AK9: variants seen among roughly 807,000 people sequenced by gnomAD.
The protein encoded by AK9 is adenylate kinase domain containing 1.
In AK9, 191 loss-of-function variants were observed where a neutral mutation model predicts 239.6. That is an observed-to-expected ratio of 0.80 (90% CI 0.71 to 0.90). AK9 has a LOEUF of 0.90. Ranked by LOEUF, AK9 falls within the 40% of genes least tolerant of loss-of-function variation. The pLI, the probability that AK9 is intolerant of heterozygous loss-of-function variation, is 0.00. For missense variants in AK9, 1,995 were observed against 2,214.7 expected (o/e 0.90, Z 1.99); for synonymous variants, 689 against 721.0 (o/e 0.96, Z 0.71).
intron 17 of AK9, among the ~76,000 whole-genome samples, chr6:109,602,110 C>G (rs989018973): frequency 3.3e-5 from 5 of 152,126 alleles, no homozygotes; most frequent in African/African-American, 1.2e-4. Flanking sequence ...GAATTTGATC[C>G]TGTCATTATG....
chr6:109,613,795 A>G (rs1436687122), intron 15 of AK9, among the ~76,000 whole-genome samples: 3 of 151,832 alleles, frequency 2.0e-5, no homozygotes, highest in Non-Finnish European at 4.4e-5. Context: ...AAAATTTTAT[A>G]AGGATAAATA....
intron 31 of AK9, 143 bp from the exon 32 acceptor site, chr6:109,514,580 A>C (rs1264517831): frequency 1.4e-6 from 1 of 732,550 alleles, no homozygotes; most frequent in Non-Finnish European, 2.2e-6. Context: ...TCAAAGGTTA[A>C]TATTAAACAA....
chr6:109,671,830 AG>A, intron 5 of AK9, 88 bp downstream of exon 5: 1 of 1,137,030 alleles, frequency 8.8e-7, no homozygotes, highest in Non-Finnish European at 1.3e-6. Flanking sequence ...GGCAAAAGAA[AG>A]GGCAACTCCA....
chr6:109,653,224 G>GTCT (rs1799221830), intron 8 of AK9, among the ~76,000 whole-genome samples: 1 of 152,132 alleles, frequency 6.6e-6, no homozygotes, highest in African/African-American at 2.4e-5. Flanking sequence ...AACACGCCTG[G>GTCT]CAAAAGTAGG....
intron 5 of AK9, among the ~76,000 whole-genome samples, chr6:109,670,769 C>T (rs147298113): frequency 0.023 from 3,460 of 152,106 alleles, 75 homozygotes; most frequent in Non-Finnish European, 0.034. Flanking sequence ...CATTTATTGA[C>T]GTAATTTGGA....
At chr6:109,632,779 T>G in intron 12 of AK9, 144 bp downstream of exon 12, 1 of 1,363,592 alleles carries the variant, frequency 7.3e-7, no homozygotes, top group Non-Finnish European at 9.5e-7. Context: ...GAACAATTAT[T>G]CAATTAAAAC....
At chr6:109,610,588 T>C (rs999878385) in intron 16 of AK9, 75 bp from the exon 17 acceptor site, 4 of 1,404,530 alleles carry the variant, frequency 2.8e-6, no homozygotes, top group South Asian at 2.6e-5. Flanking sequence ...TAAAACATGA[T>C]TGATAATATC....
intron 23 of AK9, among the ~76,000 whole-genome samples, 171 bp downstream of exon 23, chr6:109,563,909 G>A: frequency 6.6e-6 from 1 of 152,168 alleles, no homozygotes; most frequent in East Asian, 1.9e-4. Context: ...CCACATAGCT[G>A]TTCTGATTGG....
intron 35 of AK9, among the ~76,000 whole-genome samples, chr6:109,503,695 A>C (rs1164615733): frequency 6.6e-6 from 1 of 152,206 alleles, no homozygotes; most frequent in East Asian, 1.9e-4. Flanking sequence ...CACTGGAATC[A>C]TGTAGTGGAT....
At chr6:109,641,687 GCTTATGAGCCAAGACCATGCTCCCCCTGA>G in intron 9 of AK9, 71 bp from the exon 10 acceptor site, 3 of 1,359,458 alleles carry the variant, frequency 2.2e-6, no homozygotes, top group South Asian at 2.4e-5. Context: ...ACAGTGGTGG[GCTTATGAGCCAAGACCATGCTCCCCCTGA>G]CTCTGGGTCG....
chr6:109,536,047 C>A (rs1781941263), intron 27 of AK9, among the ~76,000 whole-genome samples: 2 of 152,168 alleles, frequency 1.3e-5, no homozygotes, highest in South Asian at 4.1e-4. Flanking sequence ...CGTGATGCCT[C>A]CAGCTTTGTT....
intron 1 of AK9, among the ~76,000 whole-genome samples, chr6:109,685,347 A>G (rs1257193093): frequency 6.6e-6 from 1 of 152,210 alleles, no homozygotes; most frequent in Non-Finnish European, 1.5e-5. Context: ...CATCAATAAT[A>G]GATTGGATAA....
chr6:109,559,358 G>A (rs1285341543), intron 24 of AK9, among the ~76,000 whole-genome samples: 1 of 151,972 alleles, frequency 6.6e-6, no homozygotes, highest in Non-Finnish European at 1.5e-5. Flanking sequence ...TAGTAGAGAT[G>A]GGGTTTCACC....
intron 12 of AK9, among the ~76,000 whole-genome samples, chr6:109,623,889 ACACACACACACACAC>A (rs1795169245): frequency 6.8e-6 from 1 of 147,994 alleles, no homozygotes; most frequent in African/African-American, 2.6e-5. Context: ...ACACACACAC[ACACACACACACACAC>A]ATTTCTTCTC....
intron 17 of AK9, among the ~76,000 whole-genome samples, chr6:109,603,015 G>A (rs1414717147): frequency 6.6e-6 from 1 of 152,252 alleles, no homozygotes; most frequent in African/African-American, 2.4e-5. Flanking sequence ...CGATGGGTTC[G>A]AACTTCCTCC....
intron 12 of AK9, among the ~76,000 whole-genome samples, chr6:109,629,819 G>A (rs1394055930): frequency 6.6e-6 from 1 of 151,926 alleles, no homozygotes; most frequent in Admixed American, 6.6e-5. Flanking sequence ...ATTTTTAGTA[G>A]AGACGGGGTT....
At position 109,651,631 on chromosome 6, in the gene AK9, G is replaced by T. The variant is rs1050396329; in HGVS notation, c.759+5125C>A. On this transcript the variant is annotated intron_variant, in intron 8 of 40. Transcript: ENST00000424296. ...TTCAAAAAAATCAATGAATCCAGAA[G>T]CTGGTTTTTTGAAAAGATCAACAAA... Among the ~76,000 whole-genome samples, 6 of 152,098 alleles carry T rather than the reference G, an allele frequency of 3.9e-5. No homozygotes were observed. In the East Asian group the frequency reaches 1.2e-3, roughly 29 times the overall value.
intron 25 of AK9, chr6:109,549,657 A>ATTTTTTTTTTTTTTTTTTTTT (rs1491473032): frequency 5.7e-5 from 7 of 122,406 alleles, no homozygotes; most frequent in East Asian, 6.5e-4. Flanking sequence ...TTGAACTTAG[A>ATTTTTTTTTTTTTTTTTTTTT]TATTTTCTTT....
At chr6:109,545,345 T>A (rs1783407888) in intron 26 of AK9, among the ~76,000 whole-genome samples, 1 of 152,154 alleles carries the variant, frequency 6.6e-6, no homozygotes, top group African/African-American at 2.4e-5. Context: ...GGAGGCCAAG[T>A]GATATGGTTT....
Sources: allele counts gnomAD v4.1 joint callset (sites outside exome capture counted in the v4.1 genomes callset), GRCh38; gene constraint gnomAD v4.1.1; transcripts MANE v1.5; gene names NCBI Gene and HGNC (gene_info 2026-07-23, HGNC 2026-07-21).